Variants in KCNMA1 observed in about 807,000 individuals in gnomAD.
KCNMA1 encodes the protein potassium calcium-activated channel subfamily M alpha 1, also known as Calcium-activated potassium channel subunit alpha-1.
Under a neutral mutation model 140.0 loss-of-function variants are expected in KCNMA1, and 29 were observed. The ratio of observed to expected loss-of-function variants is 0.21; its 90% CI spans 0.15 to 0.28. The LOEUF (loss-of-function observed/expected upper bound fraction) is 0.28. Among genes scored for constraint, KCNMA1 ranks in the 10% least tolerant of loss-of-function variants. The probability of loss-of-function intolerance (pLI) is 1.00; values close to 1 mark genes in which losing one functional copy is unlikely to be tolerated. For synonymous variants in KCNMA1, 612 were observed against 611.9 expected, an observed-to-expected ratio of 1.00 and a Z score of 0.00; for missense variants, 880 against 1,602.2, an observed-to-expected ratio of 0.55 and a Z score of 7.70.
At chr10:76,898,355 A>T (rs2043529657) in intron 25 of KCNMA1, among the ~76,000 whole-genome samples, 1 of 151,942 alleles carries the variant, frequency 6.6e-6, no homozygotes, top group African/African-American at 2.4e-5. Context: ...ACTAATTAGA[A>T]TTACACTAGA....
intron 16 of KCNMA1, among the ~76,000 whole-genome samples, chr10:77,025,872 C>A (rs908341691): frequency 2.6e-5 from 4 of 151,922 alleles, no homozygotes; most frequent in African/African-American, 9.7e-5. Context: ...ACACCTTTTT[C>A]CACAAGAACC....
intron 5 of KCNMA1, among the ~76,000 whole-genome samples, chr10:77,157,188 C>A (rs865973300): frequency 1.3e-5 from 2 of 152,092 alleles, no homozygotes; most frequent in Admixed American, 6.6e-5. Context: ...ATGCCTATAA[C>A]CCCAGCACTA....
Position 77,134,923 on chromosome 10 carries a change from G to A in KCNMA1, c.809-13875C>T, listed in dbSNP as rs371789160. ...TGAGGCAGGAGAATGGCGTGAACCC[G>A]GGAGGTGGAGATTGCAGTGAGCTGA... On this transcript the variant is annotated intron_variant, in intron 5 of 27. Transcript: ENST00000286628. Among the ~76,000 whole-genome samples the A allele has an allele frequency of 4.8e-3, 682 of 140,754 alleles. 6 individuals carry two copies. Among genetic ancestry groups the A allele is most frequent in the African/African-American group, 0.016 (593 of 37,808 alleles). 92.3% of individuals were successfully genotyped at this position (140,754 alleles called of 152,430 possible).
At chr10:77,102,438 T>C (rs2097122194) in intron 9 of KCNMA1, among the ~76,000 whole-genome samples, 2 of 152,188 alleles carry the variant, frequency 1.3e-5, no homozygotes, top group South Asian at 4.2e-4. Context: ...AATTCTGATA[T>C]AAGGAAAGAC....
In KCNMA1 at chr10:77,462,073, T is replaced by G. The variant is rs148308832; in HGVS notation, c.379-58050A>C. 8.1e-3 allele frequency among the ~76,000 whole-genome samples: 1,204 copies of G among 149,378 alleles called. 15 individuals are homozygous for G. Among genetic ancestry groups the G allele is most frequent in the Middle Eastern group, 0.035 (10 of 284 alleles). On this transcript the variant is annotated intron_variant, in intron 1 of 27. Transcript: ENST00000286628. Reference sequence around the variant, plus strand: ...CTAATATAAACAACACAGACACACATACACATACACACGGACACGGACACA... The same window carrying G: ...CTAATATAAACAACACAGACACACAGACACATACACACGGACACGGACACA...
chr10:77,396,424 C>T (rs1452267112), intron 2 of KCNMA1, among the ~76,000 whole-genome samples: 1 of 152,074 alleles, frequency 6.6e-6, no homozygotes. Context: ...GTCACAACCT[C>T]CATAGGGCAC....
chr10:77,474,227 T>C lies in KCNMA1; in HGVS notation c.379-70204A>G, dbSNP rs146963961. Among the ~76,000 whole-genome samples the C allele has an allele frequency of 7.0e-3, 1,067 of 152,250 alleles. 14 individuals carry two copies. The highest frequency in any genetic ancestry group is 0.044 in the Middle Eastern group (13 of 294). On this transcript the variant is annotated intron_variant, in intron 1 of 27. Transcript: ENST00000286628. ...GTGAGAGAGAGTGTTACGGACTGAA[T>C]TGGTTCCCTGCAAATCCACATGTTC...
At chr10:77,203,387 C>G (rs2043037722) in intron 3 of KCNMA1, among the ~76,000 whole-genome samples, 1 of 152,166 alleles carries the variant, frequency 6.6e-6, no homozygotes, top group Admixed American at 6.5e-5. Flanking sequence ...TCTTACTCAT[C>G]CACCTTTGAA....
intron 5 of KCNMA1, among the ~76,000 whole-genome samples, chr10:77,141,309 C>T (rs1284438721): frequency 1.3e-5 from 2 of 152,100 alleles, no homozygotes; most frequent in African/African-American, 4.8e-5. Context: ...CATTATGGAC[C>T]CCCATCCCTG....
chr10:77,057,757 A>G (rs771887475), intron 14 of KCNMA1, among the ~76,000 whole-genome samples: 16 of 151,994 alleles, frequency 1.1e-4, no homozygotes, highest in African/African-American at 3.9e-4. Flanking sequence ...AAGTATAAGA[A>G]ATACCACAGA....
chr10:77,134,720 G>T (rs2616647), intron 5 of KCNMA1, among the ~76,000 whole-genome samples: 18,901 of 151,964 alleles, frequency 0.12, 2,752 homozygotes, highest in East Asian at 0.73. Flanking sequence ...GAAGAGAGGC[G>T]GGGCGCAGTG....
At chr10:77,465,824 T>C (rs1015359212) in intron 1 of KCNMA1, among the ~76,000 whole-genome samples, 5 of 152,298 alleles carry the variant, frequency 3.3e-5, no homozygotes, top group East Asian at 1.9e-4. Context: ...GGCTGCTCCA[T>C]TGCACAGCTT....
downstream of KCNMA1, among the ~76,000 whole-genome samples, chr10:76,882,201 A>T (rs2034956236): frequency 1.3e-5 from 2 of 152,170 alleles, no homozygotes; most frequent in Non-Finnish European, 2.9e-5. Flanking sequence ...CATGGGATTT[A>T]GCCTTTTCAC....
At chr10:77,128,393 ATTTT>A (rs11298052) in intron 5 of KCNMA1, among the ~76,000 whole-genome samples, 8 of 126,076 alleles carry the variant, frequency 6.3e-5, no homozygotes, top group East Asian at 2.4e-4. Context: ...CATATAGATA[ATTTT>A]TTTTTTTTTT....
chr10:76,971,031 T>C (rs867570909), intron 19 of KCNMA1: 6 of 152,218 alleles, frequency 3.9e-5, no homozygotes, highest in Admixed American at 1.3e-4. Context: ...AACTGCTTGA[T>C]AATTAGCAGA....
chr10:77,626,086 C>A (rs1453550736), intron 1 of KCNMA1, among the ~76,000 whole-genome samples: 1 of 152,010 alleles, frequency 6.6e-6, no homozygotes, highest in Admixed American at 6.5e-5. Flanking sequence ...TTTAATGCCC[C>A]TGCACGGCCT....
intron 2 of KCNMA1, among the ~76,000 whole-genome samples, chr10:77,301,023 C>T (rs1183874003): frequency 6.6e-6 from 1 of 152,210 alleles, no homozygotes; most frequent in Admixed American, 6.5e-5. Flanking sequence ...GAATCAAGAA[C>T]TCTGGCTCCA....
intron 1 of KCNMA1, among the ~76,000 whole-genome samples, chr10:77,404,772 A>G (rs970492231): frequency 3.8e-4 from 58 of 152,236 alleles, no homozygotes; most frequent in Middle Eastern, 3.4e-3. Context: ...ATGGCCTCAC[A>G]TTGGCTCCAA....
At chr10:77,141,174 G>A (rs949935192) in intron 5 of KCNMA1, among the ~76,000 whole-genome samples, 1 of 152,186 alleles carries the variant, frequency 6.6e-6, no homozygotes, top group East Asian at 1.9e-4. Flanking sequence ...GGGCTATCCA[G>A]AGGAAGATGG....
Sources: gnomAD v4.1 joint callset for allele counts (sites outside exome capture counted in the v4.1 genomes callset) on GRCh38, gnomAD v4.1.1 for gene constraint, MANE v1.5 for transcripts, NCBI Gene and HGNC (gene_info 2026-07-23, HGNC 2026-07-21) for gene names.